CSN1S1: variants seen among roughly 807,000 people sequenced by gnomAD.
CSN1S1 encodes the protein casein alpha s1, also known as alpha-S1-casein.
A neutral mutation model predicts 49.1 loss-of-function variants in CSN1S1; 63 were observed. The ratio of observed to expected loss-of-function variants is 1.28; its 90% CI spans 1.05 to 1.58. CSN1S1 has a LOEUF of 1.58. CSN1S1 is among the 40% of genes most tolerant of loss of function. The pLI is 0.00. For synonymous variants in CSN1S1, 78 were observed against 67.1 expected, an observed-to-expected ratio of 1.16 and a Z score of -0.79; for missense variants, 260 against 224.7, an observed-to-expected ratio of 1.16 and a Z score of -1.01.
chr4:69,936,865 T>C lies in CSN1S1; in HGVS notation c.196-256T>C, dbSNP rs1722803490. ...TAACAAATAAACAAATAAATGCAATTATGTATTCACATTTATCACCAAAAT... is the reference window on the plus strand; with the variant it reads ...TAACAAATAAACAAATAAATGCAATCATGTATTCACATTTATCACCAAAAT... On this transcript the variant is annotated intron_variant, in intron 7 of 15. Transcript: ENST00000246891. 2.0e-5 allele frequency among the ~76,000 whole-genome samples: 3 copies of C among 151,964 alleles called. No homozygotes were observed. The South Asian group carries it at 6.2e-4, about 31-fold the overall frequency.
At chr4:69,943,636 A>G (rs1723054884) in intron 14 of CSN1S1, among the ~76,000 whole-genome samples, 1 of 152,004 alleles carries the variant, frequency 6.6e-6, no homozygotes, top group Non-Finnish European at 1.5e-5. Context: ...ATAGCGGAAT[A>G]CCACAGACTA....
intron 10 of CSN1S1, 96 bp downstream of exon 10, chr4:69,939,304 T>C (rs1190083161): frequency 8.5e-6 from 7 of 824,830 alleles, no homozygotes; most frequent in Non-Finnish European, 1.4e-5. Flanking sequence ...GGTCTCATTG[T>C]ACAAGGCAGT....
chr4:69,944,718 C>A (rs1038245614), intron 14 of CSN1S1, 132 bp from the exon 15 acceptor site: 1 of 972,324 alleles, frequency 1.0e-6, no homozygotes. Context: ...TTATTCTTTT[C>A]CCTCACAGAG....
At position 69,937,793 on chromosome 4, in the gene CSN1S1, T is replaced by C. The variant is rs1466244749; in HGVS notation, c.220-7T>C. 3.1e-6 allele frequency: 5 copies of C among 1,590,584 alleles called. No homozygotes were observed. In the South Asian group the frequency reaches 5.8e-5, roughly 18 times the overall value. ...AAAATGAAATTGATTATTTTTTCTTTCTTAAGAACTGTGTTGTGGCAGAGC... is the reference window on the plus strand; with the variant it reads ...AAAATGAAATTGATTATTTTTTCTTCCTTAAGAACTGTGTTGTGGCAGAGC... On this transcript the variant is annotated splice_region_variant and splice_polypyrimidine_tract_variant and intron_variant, in intron 8 of 15. Coordinates refer to ENST00000246891, the MANE Select transcript of CSN1S1 (RefSeq NM_001890.2).
chr4:69,931,327 CA>C (rs1358789675), intron 1 of CSN1S1, among the ~76,000 whole-genome samples: 6 of 151,724 alleles, frequency 4.0e-5, no homozygotes, highest in African/African-American at 1.5e-4. Flanking sequence ...ATAAAAATAC[CA>C]AATCATTTTT....
At chr4:69,932,434 A>G in intron 1 of CSN1S1, 110 bp from the exon 2 acceptor site, 2 of 836,530 alleles carry the variant, frequency 2.4e-6, no homozygotes, top group African/African-American at 1.7e-5. Context: ...TCCTCAAATC[A>G]GCCTACTTTT....
intron 12 of CSN1S1, 25 bp from the exon 13 acceptor site, chr4:69,942,019 TAA>T: frequency 7.1e-7 from 1 of 1,415,510 alleles, no homozygotes; most frequent in Non-Finnish European, 9.5e-7. Context: ...ATGAAAATAC[TAA>T]AACAGAATGT....
intron 14 of CSN1S1, among the ~76,000 whole-genome samples, chr4:69,943,277 G>C (rs572297230): frequency 6.6e-6 from 1 of 151,426 alleles, no homozygotes; most frequent in Admixed American, 6.6e-5. Context: ...TCTGCCTCCC[G>C]GGTTCTAGTG....
rs77128129 is a variant in CSN1S1, at chr4:69,935,554, G to T, written c.106-372G>T. Among the ~76,000 whole-genome samples the T allele has an allele frequency of 2.9e-3, 445 of 151,956 alleles. 7 individuals are homozygous for T. The East Asian group carries it at 0.038, about 13-fold the overall frequency. The stretch of plus-strand genomic sequence containing the variant: ...TTGCCTTAAAACAAAGTGGTTTTTT[G>T]TTGTTGTTGTTGTTTAACCTAAGTT... On this transcript the variant is annotated intron_variant, in intron 4 of 15. Coordinates refer to ENST00000246891, the MANE Select transcript of CSN1S1 (RefSeq NM_001890.2).
In CSN1S1 at chr4:69,946,314, A is replaced by C; in HGVS notation, c.*118A>C. ...ATATTGAAGGAAATTGTTCTTTTTG[A>C]GTTATCTACTTAATAGCATATCATT... is the stretch of plus-strand genomic sequence containing the variant. On this transcript the variant is annotated 3_prime_UTR_variant, in exon 16 of 16. Coordinates refer to ENST00000246891, the MANE Select transcript of CSN1S1 (RefSeq NM_001890.2). The C allele has an allele frequency of 2.7e-6, 1 of 374,678 alleles. No homozygotes were observed. The highest frequency in any genetic ancestry group is 5.1e-6 in the Non-Finnish European group (1 of 194,914). The allele number at this position is 374,678 out of a possible 1,614,324, so 23.2% of individuals were successfully genotyped here.
rs200606685 is a variant in CSN1S1 at position 69,944,885 on chromosome 4, C to T, written c.438C>T (p.Pro146=). ...FQQLNQLAAY[P]YAVWYYPQIM... is the part of the protein sequence containing the mutation. ...AGCTCAACCAACTTGCTGCCTACCC[C>T]TATGCTGTTTGGTACTATCCACAAA... is the stretch of plus-strand genomic sequence containing the variant. Residue 146 remains proline, a synonymous_variant, in exon 15 of 16, where the codon CCC becomes CCT. Coordinates refer to ENST00000246891, the MANE Select transcript of CSN1S1 (RefSeq NM_001890.2). 326 of 1,612,896 alleles carry T rather than the reference C, an allele frequency of 2.0e-4. 1 individual carries two copies. The highest frequency in any genetic ancestry group is 2.4e-4 in the Non-Finnish European group (288 of 1,179,198).
rs561030719 is a variant in CSN1S1 at position 69,941,282 on chromosome 4, A to G, written c.342+222A>G. ...TGGACTAAAGTTCTATATATTATCC[A>G]TACTTACTAACCAGGGAGAAAGTGA... On this transcript the variant is annotated intron_variant, in intron 12 of 15. Transcript: ENST00000246891. 2.7e-3 allele frequency among the ~76,000 whole-genome samples: 404 copies of G among 151,900 alleles called. 1 individual carries two copies. The highest frequency in any genetic ancestry group is 0.016 in the South Asian group (79 of 4,822).
In CSN1S1 at chr4:69,940,138, C is replaced by CAA. The variant is rs1277220974; in HGVS notation, c.300+95_300+96insAA. ...ACACACACACACACACACACACACACACACACACACACGGGAAAACATGCT... is the reference window on the plus strand; with the variant it reads ...ACACACACACACACACACACACACACAAACACACACACACGGGAAAACATGCT... On this transcript the variant is annotated intron_variant, in intron 11 of 15. Coordinates refer to ENST00000246891, the MANE Select transcript of CSN1S1 (RefSeq NM_001890.2). The CAA allele has an allele frequency of 3.7e-5, 20 of 535,972 alleles. No homozygotes were observed. In the African/African-American group the frequency reaches 3.8e-4, roughly 10 times the overall value. 33.2% of individuals were successfully genotyped at this position (535,972 alleles called of 1,614,324 possible).
chr4:69,940,239 T>A (rs1722932416), intron 11 of CSN1S1, among the ~76,000 whole-genome samples, 195 bp downstream of exon 11: 1 of 151,550 alleles, frequency 6.6e-6, no homozygotes, highest in African/African-American at 2.4e-5. Context: ...TGAGTGAGAA[T>A]GTTGTATTAA....
intron 8 of CSN1S1, 121 bp from the exon 9 acceptor site, chr4:69,937,679 A>G (rs564986391): frequency 2.1e-4 from 154 of 740,808 alleles, no homozygotes; most frequent in Non-Finnish European, 3.1e-4. Context: ...AGTTTTTCTT[A>G]TTACTTTTAT....
intron 4 of CSN1S1, among the ~76,000 whole-genome samples, chr4:69,935,699 A>G (rs1722756040): frequency 6.6e-6 from 1 of 152,052 alleles, no homozygotes; most frequent in Non-Finnish European, 1.5e-5. Flanking sequence ...GCCTCTCCAA[A>G]ACACTCTGCT....
intron 14 of CSN1S1, among the ~76,000 whole-genome samples, chr4:69,942,897 T>C (rs1723019847): frequency 6.6e-6 from 1 of 151,726 alleles, no homozygotes; most frequent in Non-Finnish European, 1.5e-5. Context: ...GTATGTTTAA[T>C]TCAGTGTCTC....
intron 11 of CSN1S1, among the ~76,000 whole-genome samples, chr4:69,940,456 C>A (rs1722938286): frequency 6.6e-6 from 1 of 151,674 alleles, no homozygotes; most frequent in African/African-American, 2.4e-5. Flanking sequence ...GTCTATAGAT[C>A]TGGTTACACT....
In CSN1S1 at chr4:69,943,699, A is replaced by C. The variant is rs138216175; in HGVS notation, c.402+1122A>C. On this transcript the variant is annotated intron_variant, in intron 14 of 15. Coordinates refer to ENST00000246891, the MANE Select transcript of CSN1S1 (RefSeq NM_001890.2). ...TTGGTTAACAGTTGTGGAGGCTGTA[A>C]GTCCAAGATTGAGAGGCCAACATCT... 9.5e-3 allele frequency among the ~76,000 whole-genome samples: 1,449 copies of C among 152,114 alleles called. 9 individuals are homozygous for C. Among genetic ancestry groups the C allele is most frequent in the Admixed American group, 0.016 (250 of 15,248 alleles).
Sources: gnomAD v4.1 joint callset for allele counts (sites outside exome capture counted in the v4.1 genomes callset) on GRCh38, gnomAD v4.1.1 for gene constraint, MANE v1.5 for transcripts, NCBI Gene and HGNC (gene_info 2026-07-23, HGNC 2026-07-21) for gene names.